SGCZ: variants seen among roughly 807,000 people sequenced by gnomAD.
The protein encoded by SGCZ is sarcoglycan zeta.
A neutral mutation model predicts 41.3 loss-of-function variants in SGCZ; 40 were observed. That is an observed-to-expected ratio of 0.97 (90% CI 0.75 to 1.26). SGCZ has a LOEUF of 1.26. Among genes scored for constraint, SGCZ ranks in the 50% most tolerant of loss-of-function variants. The pLI is 0.00. For synonymous variants in SGCZ, 206 were observed against 137.5 expected (o/e 1.50, Z -3.49); for missense variants, 552 against 369.8 (o/e 1.49, Z -4.04).
rs138865330 is a variant in SGCZ, at chr8:15,027,119, A to T, written c.39+210466T>A. ...TATGGCAGCTTTCTCAGACCATTGT[A>T]TCTCTGAAATTCAGGCCTGGAAGAT... On this transcript the variant is annotated intron_variant, in intron 1 of 7. Transcript: ENST00000382080. Among the ~76,000 whole-genome samples the T allele has an allele frequency of 2.4e-4, 37 of 152,302 alleles. No individual in the cohort carries two copies. In the East Asian group the frequency reaches 6.2e-3, roughly 25 times the overall value.
At chr8:14,406,620 G>C (rs1799217946) in intron 2 of SGCZ, among the ~76,000 whole-genome samples, 1 of 152,040 alleles carries the variant, frequency 6.6e-6, no homozygotes, top group Non-Finnish European at 1.5e-5. Context: ...TTGAGGACTA[G>C]CAAAAACAAG....
chr8:15,126,127 C>T (rs184702583), intron 1 of SGCZ, among the ~76,000 whole-genome samples: 2 of 152,136 alleles, frequency 1.3e-5, no homozygotes, highest in Admixed American at 6.5e-5. Flanking sequence ...GCCTGGGCAA[C>T]AGAGGGAGAC....
At chr8:15,036,337 T>C (rs1189656781) in intron 1 of SGCZ, among the ~76,000 whole-genome samples, 1 of 151,978 alleles carries the variant, frequency 6.6e-6, no homozygotes, top group Non-Finnish European at 1.5e-5. Flanking sequence ...ATCGAATCAG[T>C]AATAAAATGT....
rs200366195 is a variant in SGCZ, at chr8:14,702,917, TTAGG to T, written c.40-147995_40-147992del. Among the ~76,000 whole-genome samples, 29 of 135,862 alleles carry T rather than the reference TTAGG, an allele frequency of 2.1e-4. 1 individual carries two copies. The highest frequency in any genetic ancestry group is 7.8e-3 in the Middle Eastern group (2 of 256). 89.1% of individuals were successfully genotyped at this position (135,862 alleles called of 152,430 possible). On this transcript the variant is annotated intron_variant, in intron 1 of 7. Transcript: ENST00000382080. ...GATAGACAGGCAGACAGGTAGGTAGTTAGGTAGGTAGATAGATAGATAGATAGAT... is the reference window on the plus strand; with the variant it reads ...GATAGACAGGCAGACAGGTAGGTAGTTAGGTAGATAGATAGATAGATAGAT...
chr8:14,501,729 G>T (rs1407707815), intron 2 of SGCZ, among the ~76,000 whole-genome samples: 1 of 151,498 alleles, frequency 6.6e-6, no homozygotes, highest in African/African-American at 2.4e-5. Context: ...GTGATGCCTG[G>T]CTTGGCTAAT....
intron 5 of SGCZ, among the ~76,000 whole-genome samples, chr8:14,125,149 A>G (rs1211913210): frequency 6.6e-6 from 1 of 152,108 alleles, no homozygotes; most frequent in Non-Finnish European, 1.5e-5. Context: ...AGAGGACACA[A>G]AGAAATGGGA....
chr8:14,379,878 T>G (rs1451603968), intron 2 of SGCZ, among the ~76,000 whole-genome samples: 2 of 151,722 alleles, frequency 1.3e-5, no homozygotes, highest in Non-Finnish European at 2.9e-5. Flanking sequence ...ATTACAAGAG[T>G]GTGCCACCAC....
At chr8:14,582,173 AT>A (rs1804911877) in intron 1 of SGCZ, among the ~76,000 whole-genome samples, 1 of 152,148 alleles carries the variant, frequency 6.6e-6, no homozygotes, top group African/African-American at 2.4e-5. Flanking sequence ...TATTATATAT[AT>A]GTATAACCTA....
chr8:14,101,490 G>A (rs1454255582), intron 7 of SGCZ, among the ~76,000 whole-genome samples: 1 of 152,176 alleles, frequency 6.6e-6, no homozygotes, highest in African/African-American at 2.4e-5. Context: ...TCACTTTATA[G>A]TGGAAAAATA....
rs1403223558 is a variant in SGCZ at position 14,086,624 on chromosome 8, T to G, written c.*3819A>C. ...TAATTTCCTAAACAGTCATTTTGAA[T>G]AAGATCCAAATGCATTATTTTCCTT... On this transcript the variant is annotated 3_prime_UTR_variant, in exon 8 of 8. Coordinates refer to ENST00000382080, the MANE Select transcript of SGCZ (RefSeq NM_139167.4). Among the ~76,000 whole-genome samples the G allele has an allele frequency of 6.6e-6, 1 of 151,768 alleles. No individual in the cohort carries two copies. The highest frequency in any genetic ancestry group is 1.5e-5 in the Non-Finnish European group (1 of 67,768).
At chr8:14,420,149 T>A (rs1047095746) in intron 2 of SGCZ, among the ~76,000 whole-genome samples, 13 of 152,092 alleles carry the variant, frequency 8.5e-5, no homozygotes, top group African/African-American at 2.7e-4. Context: ...ATTCTTGTCC[T>A]ATAATAATTC....
intron 1 of SGCZ, among the ~76,000 whole-genome samples, chr8:15,064,657 C>T (rs1805059959): frequency 6.6e-6 from 1 of 152,082 alleles, no homozygotes; most frequent in Non-Finnish European, 1.5e-5. Context: ...CCTCTCATTC[C>T]TCATAATTGC....
chr8:14,608,176 A>G (rs1805813424), intron 1 of SGCZ, among the ~76,000 whole-genome samples: 1 of 152,178 alleles, frequency 6.6e-6, no homozygotes, highest in Non-Finnish European at 1.5e-5. Context: ...ATGAAGCGCC[A>G]AAACTCTCCA....
At chr8:14,427,360 A>G (rs531624915) in intron 2 of SGCZ, among the ~76,000 whole-genome samples, 1 of 152,256 alleles carries the variant, frequency 6.6e-6, no homozygotes, top group East Asian at 1.9e-4. Context: ...AAACAAACAA[A>G]CAAAAAAGAA....
intron 1 of SGCZ, among the ~76,000 whole-genome samples, chr8:14,664,713 G>T (rs1324032676): frequency 1.3e-5 from 2 of 152,116 alleles, no homozygotes; most frequent in Non-Finnish European, 2.9e-5. Context: ...ATTATCTTAT[G>T]AAAACACTGA....
chr8:14,643,609 C>G (rs919813921), intron 1 of SGCZ, among the ~76,000 whole-genome samples: 2 of 151,162 alleles, frequency 1.3e-5, no homozygotes, highest in South Asian at 2.1e-4. Context: ...CCACCTCCAA[C>G]CTATTCCCTC....
intron 1 of SGCZ, among the ~76,000 whole-genome samples, chr8:14,643,654 G>A (rs1046949567): frequency 6.6e-6 from 1 of 151,572 alleles, no homozygotes; most frequent in Non-Finnish European, 1.5e-5. Context: ...TATTCAACAG[G>A]AGCATCACTA....
chr8:14,994,652 G>A (rs563800986), intron 1 of SGCZ, among the ~76,000 whole-genome samples: 9 of 145,264 alleles, frequency 6.2e-5, no homozygotes, highest in East Asian at 1.9e-4. Flanking sequence ...GATTAGGGGC[G>A]TGTGTGTATG....
intron 1 of SGCZ, among the ~76,000 whole-genome samples, chr8:14,660,121 C>A (rs1393551343): frequency 6.6e-6 from 1 of 152,146 alleles, no homozygotes; most frequent in Non-Finnish European, 1.5e-5. Context: ...AACCACGAGA[C>A]AACAAGGAAA....
Sources: gnomAD v4.1 joint callset for allele counts (sites outside exome capture counted in the v4.1 genomes callset) on GRCh38, gnomAD v4.1.1 for gene constraint, MANE v1.5 for transcripts, NCBI Gene and HGNC (gene_info 2026-07-23, HGNC 2026-07-21) for gene names.